Variants in BOK observed in about 807,000 individuals in gnomAD.
The protein encoded by BOK is bcl-2-related ovarian killer protein.
In BOK, 20 loss-of-function variants were observed where a neutral mutation model predicts 18.3. The observed-to-expected ratio is 1.09, with a 90% confidence interval of 0.77 to 1.59. The LOEUF is 1.59. BOK is among the 40% of genes most tolerant of loss of function. BOK has a pLI of 0.00. For synonymous variants in BOK, 173 were observed against 142.4 expected, an observed-to-expected ratio of 1.21 and a Z score of -1.53; for missense variants, 348 against 307.9, an observed-to-expected ratio of 1.13 and a Z score of -0.97.
At chr2:241,555,378 A>ATTTT (rs11382322), upstream of BOK, among the ~76,000 whole-genome samples, 5 of 139,038 alleles carry the variant, frequency 3.6e-5, no homozygotes, top group African/African-American at 1.3e-4. Flanking sequence ...CACTGAGGTC[A>ATTTT]TTTTTTTTTT....
At chr2:241,558,519 A>C (rs143686179), upstream of BOK, among the ~76,000 whole-genome samples, 693 of 152,378 alleles carry the variant, frequency 4.5e-3, 2 homozygotes, top group Non-Finnish European at 6.2e-3. Flanking sequence ...CGAACGAAGA[A>C]GACAACCCAA....
intron 3 of BOK, among the ~76,000 whole-genome samples, chr2:241,563,352 A>G (rs2066561320): frequency 6.6e-6 from 1 of 152,032 alleles, no homozygotes; most frequent in Non-Finnish European, 1.5e-5. Context: ...GACCTCTGTG[A>G]CCTTGGGTCC....
At chr2:241,560,742 C>G (rs1283011722) in intron 2 of BOK, among the ~76,000 whole-genome samples, 2 of 152,176 alleles carry the variant, frequency 1.3e-5, no homozygotes, top group Non-Finnish European at 2.9e-5. Flanking sequence ...GATCCGCCGC[C>G]TGCTGCTGCC....
At chr2:241,557,051 T>C (rs2066458214), upstream of BOK, among the ~76,000 whole-genome samples, 1 of 152,210 alleles carries the variant, frequency 6.6e-6, no homozygotes, top group African/African-American at 2.4e-5. Context: ...TTGTAGTATC[T>C]ACAGTGATGT....
intron 3 of BOK, among the ~76,000 whole-genome samples, chr2:241,566,283 T>C (rs1054210893): frequency 3.0e-5 from 4 of 131,560 alleles, no homozygotes; most frequent in Non-Finnish European, 6.3e-5. Context: ...GACCCTATTC[T>C]TTCTTTTTTT....
rs1472340273 is a variant in BOK, at chr2:241,562,994, C to T, written c.349+518C>T. 6.6e-6 allele frequency among the ~76,000 whole-genome samples: 1 copy of T among 152,216 alleles called. No individual in the cohort carries two copies. Among genetic ancestry groups the T allele is most frequent in the Non-Finnish European group, 1.5e-5 (1 of 68,034 alleles). ...TGGTCAGAAGCGAGCCTCAGGGCTC[C>T]AGCGTCCAGGAGAGGGGAGAGCATG... On this transcript the variant is annotated intron_variant, in intron 3 of 4. Transcript: ENST00000318407. The surrounding 1 kb of genome is among the most constrained non-coding windows in gnomAD (Gnocchi z 4.5).
intron 3 of BOK, 140 bp from the exon 4 acceptor site, chr2:241,569,985 G>T: frequency 9.3e-7 from 1 of 1,078,554 alleles, no homozygotes; most frequent in Admixed American, 3.2e-5. Flanking sequence ...TCCTGTCAGG[G>T]AGCGGTCCCC....
intron 2 of BOK, among the ~76,000 whole-genome samples, chr2:241,561,852 G>A (rs752719421): frequency 6.6e-6 from 1 of 152,182 alleles, no homozygotes; most frequent in Non-Finnish European, 1.5e-5. Flanking sequence ...CCGGGCTCTC[G>A]GGCTGTCCCC....
At chr2:241,553,004 G>C (rs2066424859) in intron 1 of BOK, among the ~76,000 whole-genome samples, 1 of 152,254 alleles carries the variant, frequency 6.6e-6, no homozygotes, top group Admixed American at 6.5e-5. Flanking sequence ...CCACCGGGTA[G>C]TGGGTGGAGA....
At chr2:241,563,405 G>T (rs2125048761) in intron 3 of BOK, among the ~76,000 whole-genome samples, 1 of 152,332 alleles carries the variant, frequency 6.6e-6, no homozygotes, top group South Asian at 2.1e-4. Flanking sequence ...GGGTGTGGCA[G>T]GCGCTGGGTG....
chr2:241,554,487 C>A (rs1351754611), upstream of BOK, among the ~76,000 whole-genome samples: 2 of 152,144 alleles, frequency 1.3e-5, no homozygotes, highest in Non-Finnish European at 2.9e-5. Context: ...TGATGGGGGC[C>A]CACCCGCTTC....
rs1313881257 is a variant in BOK, at chr2:241,559,600, G to C, written c.117G>C (p.Val39=). ...AQAKALGREY[V]HARLLRAGLS... is the part of the protein sequence containing the mutation. Reference sequence around the variant, plus strand: ...CCAAGGCGCTGGGCCGGGAGTACGTGCACGCGCGGCTGCTGCGCGCCGGCC... The same window carrying C: ...CCAAGGCGCTGGGCCGGGAGTACGTCCACGCGCGGCTGCTGCGCGCCGGCC... Residue 39 remains valine (V), a synonymous_variant, in exon 2 of 5, where the codon GTG becomes GTC. Transcript: ENST00000318407. 1 of 1,490,728 alleles carries C rather than the reference G, an allele frequency of 6.7e-7. No individual in the cohort carries two copies. Among genetic ancestry groups the C allele is most frequent in the Non-Finnish European group, 8.9e-7 (1 of 1,128,140 alleles). The allele number at this position is 1,490,728 out of a possible 1,614,324, so 92.3% of individuals were successfully genotyped here. A position where few individuals can be genotyped will look rare whatever the true frequency, so the allele number is the denominator to read the frequency against.
At chr2:241,552,523 T>G (rs2066421972) in intron 1 of BOK, among the ~76,000 whole-genome samples, 1 of 152,138 alleles carries the variant, frequency 6.6e-6, no homozygotes, top group Non-Finnish European at 1.5e-5. Flanking sequence ...CTCTAAAGAA[T>G]GAGGCCGGAG....
In BOK at chr2:241,562,783, G is replaced by A. The variant is rs2066551219; in HGVS notation, c.349+307G>A. Among the ~76,000 whole-genome samples, 1 of 152,216 alleles carries A rather than the reference G, an allele frequency of 6.6e-6. No individual in the cohort carries two copies. Among genetic ancestry groups the A allele is most frequent in the Non-Finnish European group, 1.5e-5 (1 of 68,038 alleles). ...CGCGTGACCTGCAGTCCTGTGGGGT[G>A]GCACGTCCTAGGGCTGCCTGGTTTC... On this transcript the variant is annotated intron_variant, in intron 3 of 4. Transcript: ENST00000318407. The surrounding 1 kb of genome is among the most constrained non-coding windows in gnomAD (Gnocchi z 4.5).
rs73123543 is a variant in BOK, at chr2:241,569,728, G to C, written c.350-397G>C. 9.3e-3 allele frequency among the ~76,000 whole-genome samples: 1,423 copies of C among 152,278 alleles called. 20 individuals are homozygous for C. Among genetic ancestry groups the C allele is most frequent in the African/African-American group, 0.033 (1,357 of 41,544 alleles). On this transcript the variant is annotated intron_variant, in intron 3 of 4. Coordinates refer to ENST00000318407, the MANE Select transcript of BOK (RefSeq NM_032515.5). Reference sequence around the variant, plus strand: ...TCAGCCTCAGCAGGTTAGGGGTCTGGGGAAGGCAGTTTCTCTGCGGGCCTC... The same window carrying C: ...TCAGCCTCAGCAGGTTAGGGGTCTGCGGAAGGCAGTTTCTCTGCGGGCCTC...
chr2:241,568,032 A>G (rs1184996440), intron 3 of BOK, among the ~76,000 whole-genome samples: 3 of 150,246 alleles, frequency 2.0e-5, no homozygotes, highest in African/African-American at 7.4e-5. Context: ...CTCACACTGT[A>G]TGTGGCTTTT....
chr2:241,553,959 A>C (rs1018464968), upstream of BOK, among the ~76,000 whole-genome samples: 1 of 152,230 alleles, frequency 6.6e-6, no homozygotes, highest in Non-Finnish European at 1.5e-5. Flanking sequence ...GTAGAGTCTC[A>C]GATCTGCCTC....
In BOK at chr2:241,570,109, A is replaced by G; in HGVS notation, c.350-16A>G. Reference sequence around the variant, plus strand: ...CGGGATTCAAGTCCTGATCTTGACCATCTCTCTCCCTGCAGGCATCACGTG... The same window carrying G: ...CGGGATTCAAGTCCTGATCTTGACCGTCTCTCTCCCTGCAGGCATCACGTG... On this transcript the variant is annotated splice_polypyrimidine_tract_variant and intron_variant, in intron 3 of 4. Coordinates refer to ENST00000318407, the MANE Select transcript of BOK (RefSeq NM_032515.5). 6.2e-7 allele frequency: 1 copy of G among 1,608,298 alleles called. No homozygotes were observed. The highest frequency in any genetic ancestry group is 1.3e-5 in the African/African-American group (1 of 74,772).
intron 4 of BOK, among the ~76,000 whole-genome samples, chr2:241,572,067 C>T (rs2066732786): frequency 6.6e-6 from 1 of 152,238 alleles, no homozygotes; most frequent in Admixed American, 6.5e-5. Flanking sequence ...CATCTGTCCC[C>T]ACCTCCCGTG....
Sources: gnomAD v4.1 joint callset for allele counts (sites outside exome capture counted in the v4.1 genomes callset) on GRCh38, gnomAD v4.1.1 for gene constraint, Gnocchi (gnomAD v3.1) non-coding constraint, MANE v1.5 for transcripts, NCBI Gene and HGNC (gene_info 2026-07-23, HGNC 2026-07-21) for gene names.